Variants in TMED5 observed in about 807,000 individuals in gnomAD.
TMED5 encodes transmembrane p24 trafficking protein 5, also known as transmembrane emp24 domain-containing protein 5.
A neutral mutation model predicts 23.0 loss-of-function variants in TMED5; 27 were observed. The observed-to-expected ratio is 1.17, with a 90% CI of 0.86 to 1.62. The LOEUF (loss-of-function observed/expected upper bound fraction) is 1.62. TMED5 is among the 40% of genes most tolerant of loss of function. TMED5 has a pLI of 0.00. For missense variants in TMED5, 248 were observed against 273.7 expected (o/e 0.91, Z 0.66); for synonymous variants, 97 against 100.8 (o/e 0.96, Z 0.23).
intron 1 of TMED5, among the ~76,000 whole-genome samples, chr1:93,178,935 T>C (rs778654616): frequency 5.3e-5 from 8 of 152,250 alleles, no homozygotes; most frequent in Middle Eastern, 3.4e-3. Flanking sequence ...GCCTTTTCTT[T>C]CCCCCCTGTA....
chr1:93,158,577 G>GT (rs35305642), intron 2 of TMED5, among the ~76,000 whole-genome samples: 35,944 of 143,336 alleles, frequency 0.25, 5,665 homozygotes, highest in African/African-American at 0.4. Flanking sequence ...TACATTTTTA[G>GT]TTTTGTTTTT....
At chr1:93,162,987 T>C (rs944676307) in intron 1 of TMED5, 5 of 152,126 alleles carry the variant, frequency 3.3e-5, no homozygotes, top group African/African-American at 1.2e-4. Flanking sequence ...GAGGACCACT[T>C]GAGGCTAGGC....
chr1:93,160,010 A>C (rs1648212998), intron 2 of TMED5, 119 bp downstream of exon 2: 2 of 596,766 alleles, frequency 3.4e-6, no homozygotes, highest in Non-Finnish European at 6.1e-6. Flanking sequence ...GAACTGTTTT[A>C]AATCATATGG....
intron 1 of TMED5, among the ~76,000 whole-genome samples, chr1:93,176,247 T>G (rs1232486618): frequency 6.6e-6 from 1 of 152,196 alleles, no homozygotes; most frequent in African/African-American, 2.4e-5. Context: ...CTCTTCTTCC[T>G]TAGTATCTTG....
In TMED5 at chr1:93,160,167, G is replaced by C; in HGVS notation, c.249C>G (p.Thr83=). The change falls in exon 2 of 4, where the codon ACC becomes ACG. Residue 83 remains threonine, a synonymous_variant. Transcript: ENST00000370282. The part of the protein sequence containing the change: ...DFHLASPEGK[T]LVFEQRKSDG... ...CTGATTTTCTTTGTTCAAAAACTAA[G>C]GTTTTGCCTTCTGGAGAGGCAAGAT... 1 of 1,613,170 alleles carries C rather than the reference G, an allele frequency of 6.2e-7. No homozygotes were observed. Among genetic ancestry groups the C allele is most frequent in the Non-Finnish European group, 8.5e-7 (1 of 1,179,482 alleles).
At position 93,150,358 on chromosome 1, in the gene TMED5, A is replaced by G. The variant is rs2101115955; in HGVS notation, c.*4312T>C. On this transcript the variant is annotated 3_prime_UTR_variant, in exon 4 of 4. Coordinates refer to ENST00000370282, the MANE Select transcript of TMED5 (RefSeq NM_016040.5). ...ATGGTGTGGACATACTAAACCATTC[A>G]CTCTTTTTGAAGGACATCCAGGTTG... 6.6e-6 allele frequency: 1 copy of G among 151,614 alleles called. No individual in the cohort carries two copies. The highest frequency in any genetic ancestry group is 1.5e-5 in the Non-Finnish European group (1 of 67,876). 9.4% of individuals were successfully genotyped at this position (151,614 alleles called of 1,614,324 possible). A position where few individuals can be genotyped will look rare whatever the true frequency, so the allele number is the denominator to read the frequency against.
intron 1 of TMED5, among the ~76,000 whole-genome samples, chr1:93,163,954 T>G (rs1406282629): frequency 6.8e-6 from 1 of 146,638 alleles, no homozygotes; most frequent in Non-Finnish European, 1.5e-5. Context: ...TGCACTCCAG[T>G]CTGTGCCACA....
intron 1 of TMED5, chr1:93,161,020 T>C (rs1648257186): frequency 6.6e-6 from 1 of 152,204 alleles, no homozygotes; most frequent in East Asian, 1.9e-4. Context: ...AATTGTGTAT[T>C]CGAAGCAGGC....
rs1649264170 is a variant in TMED5, at chr1:93,180,100, A to G, written c.143T>C (p.Phe48Ser). Residue 48 changes from phenylalanine to serine, a missense_variant, in exon 1 of 4, where the codon TTC (phenylalanine) becomes TCC (serine). Transcript: ENST00000370282. ...GGCCTTCAGGGGCATGGGCTGGTAG[A>G]AGCACTCCTTCTGGCCGGCGGGAAG... ...FTLPAGQKEC[F>S]YQPMPLKASL... 1 of 1,613,388 alleles carries G rather than the reference A, an allele frequency of 6.2e-7. No individual in the cohort carries two copies. The highest frequency in any genetic ancestry group is 8.5e-7 in the Non-Finnish European group (1 of 1,179,708).
rs1193976297 is a variant in TMED5, at chr1:93,150,577, A to G, written c.*4093T>C. 1.3e-5 allele frequency: 2 copies of G among 152,218 alleles called. No individual in the cohort carries two copies. The highest frequency in any genetic ancestry group is 3.9e-4 in the East Asian group (2 of 5,188). The allele number at this position is 152,218 out of a possible 1,614,324, so 9.4% of individuals were successfully genotyped here. A position where few individuals can be genotyped will look rare whatever the true frequency, so the allele number is the denominator to read the frequency against. ...TTTCATATCTCACCAGCAACGTATG[A>G]GTGGTCCACTTATCCAATTTCTCTT... On this transcript the variant is annotated 3_prime_UTR_variant, in exon 4 of 4. Coordinates refer to ENST00000370282, the MANE Select transcript of TMED5 (RefSeq NM_016040.5).
intron 2 of TMED5, chr1:93,158,799 C>G (rs1317015510): frequency 3.1e-6 from 1 of 319,610 alleles, no homozygotes; most frequent in African/African-American, 2.3e-5. Flanking sequence ...ATTTCTTGAC[C>G]TCGTGATCCA....
chr1:93,165,841 A>C (rs1648484005), intron 1 of TMED5, among the ~76,000 whole-genome samples: 1 of 152,196 alleles, frequency 6.6e-6, no homozygotes. Flanking sequence ...ATCAAATAGT[A>C]GGTCTTATTC....
Position 93,163,751 on chromosome 1 carries a change from G to A in TMED5, c.190-3525C>T, listed in dbSNP as rs1486913609. 5.3e-5 allele frequency among the ~76,000 whole-genome samples: 8 copies of A among 151,482 alleles called. No individual in the cohort carries two copies. The East Asian group carries it at 5.9e-4, about 11-fold the overall frequency. ...AGCACTTTGGGAGGCTGAGGTGGGT[G>A]GATCACTTGAGGTGAGGGGTTCAAG... On this transcript the variant is annotated intron_variant, in intron 1 of 3. Transcript: ENST00000370282.
chr1:93,179,990 T>C, intron 1 of TMED5, 64 bp downstream of exon 1: 1 of 1,513,462 alleles, frequency 6.6e-7, no homozygotes, highest in East Asian at 2.4e-5. Context: ...TCTAAACGGG[T>C]GAGAGGCGAC....
rs1647916252 is a variant in TMED5 at position 93,152,549 on chromosome 1, A to T, written c.*2121T>A. On this transcript the variant is annotated 3_prime_UTR_variant, in exon 4 of 4. Coordinates refer to ENST00000370282, the MANE Select transcript of TMED5 (RefSeq NM_016040.5). ...AAATTCTTTTCCAAATAAAGCAATTATCGTTTTTATATGGTAAGAAGTTAC... is the reference window on the plus strand; with the variant it reads ...AAATTCTTTTCCAAATAAAGCAATTTTCGTTTTTATATGGTAAGAAGTTAC... 6.6e-6 allele frequency: 1 copy of T among 152,586 alleles called. No homozygotes were observed. The highest frequency in any genetic ancestry group is 1.5e-5 in the Non-Finnish European group (1 of 68,010). 9.5% of individuals were successfully genotyped at this position (152,586 alleles called of 1,614,324 possible). A position where few individuals can be genotyped will look rare whatever the true frequency, so the allele number is the denominator to read the frequency against.
At chr1:93,165,242 A>T (rs1383377205) in intron 1 of TMED5, among the ~76,000 whole-genome samples, 1 of 152,242 alleles carries the variant, frequency 6.6e-6, no homozygotes, top group Non-Finnish European at 1.5e-5. Flanking sequence ...TTAAGCCAGT[A>T]AATTTTGTGG....
intron 1 of TMED5, among the ~76,000 whole-genome samples, chr1:93,179,367 C>CAAAAA (rs11332484): frequency 3.1e-5 from 3 of 96,196 alleles, no homozygotes; most frequent in Admixed American, 1.1e-4. Flanking sequence ...GACTCCGTCT[C>CAAAAA]AAAAAAAAAA....
At chr1:93,177,673 A>G (rs1239245931) in intron 1 of TMED5, among the ~76,000 whole-genome samples, 2 of 151,928 alleles carry the variant, frequency 1.3e-5, no homozygotes, top group Non-Finnish European at 2.9e-5. Flanking sequence ...AGCCAGCTAC[A>G]TAACTATAGA....
chr1:93,161,591 TGCAACC>T (rs1648278022), intron 1 of TMED5: 1 of 152,210 alleles, frequency 6.6e-6, no homozygotes, highest in Non-Finnish European at 1.5e-5. Flanking sequence ...TTCAAAAAAT[TGCAACC>T]TCCTGCATAA....
Sources: allele counts gnomAD v4.1 joint callset (sites outside exome capture counted in the v4.1 genomes callset), GRCh38; gene constraint gnomAD v4.1.1; transcripts MANE v1.5; gene names NCBI Gene and HGNC (gene_info 2026-07-23, HGNC 2026-07-21).